The following APCDD1 variants were observed in gnomAD, a reference collection of about 807,000 sequenced individuals.
The protein encoded by APCDD1 is APC down-regulated 1.
Under a neutral mutation model 38.1 loss-of-function variants are expected in APCDD1, and 15 were observed. That is an observed-to-expected ratio of 0.39 (90% CI 0.26 to 0.61). APCDD1 has a LOEUF of 0.61. APCDD1 is among the 20% of genes least tolerant of loss of function. The pLI is 0.49. For synonymous variants in APCDD1, 261 were observed against 279.7 expected (o/e 0.93, Z 0.67); for missense variants, 647 against 696.2 (o/e 0.93, Z 0.79).
At chr18:10,481,167 A>T (rs1178920672) in intron 3 of APCDD1, among the ~76,000 whole-genome samples, 1 of 152,248 alleles carries the variant, frequency 6.6e-6, no homozygotes, top group Non-Finnish European at 1.5e-5. Context: ...AATTAAACAT[A>T]GAATTACCAA....
intron 1 of APCDD1, among the ~76,000 whole-genome samples, chr18:10,458,029 T>C (rs2030425410): frequency 6.6e-6 from 1 of 152,282 alleles, no homozygotes; most frequent in Non-Finnish European, 1.5e-5. Context: ...ATGTCCATTA[T>C]CACTGTTTTC....
chr18:10,455,044 G>C lies in APCDD1; in HGVS notation c.58+5G>C. 6.4e-7 allele frequency: 1 copy of C among 1,562,388 alleles called. No individual in the cohort carries two copies. Among genetic ancestry groups the C allele is most frequent in the South Asian group, 1.2e-5 (1 of 84,918 alleles). On this transcript the variant is annotated splice_donor_5th_base_variant and intron_variant, in intron 1 of 4. Transcript: ENST00000355285. ...TCCCGGCCCTCCTGCTTCACGGTGA[G>C]TTCCCGAGGGCCACTCGAGCGCTCC...
Position 10,470,944 on chromosome 18 carries a change from T to G in APCDD1, c.243-586T>G, listed in dbSNP as rs2030836746. On this transcript the variant is annotated intron_variant, in intron 2 of 4. Coordinates refer to ENST00000355285, the MANE Select transcript of APCDD1 (RefSeq NM_153000.5). This position sits in a 1 kb window ranked among gnomAD's most constrained non-coding sequence, Gnocchi z 4.1. Reference sequence around the variant, plus strand: ...TTAATTGCCCCCTTTACTTTTCTACTAGAGAGAAAATTAATTCTGAATGGA... The same window carrying G: ...TTAATTGCCCCCTTTACTTTTCTACGAGAGAGAAAATTAATTCTGAATGGA... Among the ~76,000 whole-genome samples the G allele has an allele frequency of 6.6e-6, 1 of 152,214 alleles. No homozygotes were observed. Among genetic ancestry groups the G allele is most frequent in the Non-Finnish European group, 1.5e-5 (1 of 68,042 alleles).
intron 1 of APCDD1, among the ~76,000 whole-genome samples, chr18:10,455,390 A>G (rs1029644331): frequency 5.3e-5 from 8 of 152,218 alleles, no homozygotes; most frequent in Non-Finnish European, 1.2e-4. Flanking sequence ...CCAACTGTAC[A>G]CTGCCATGAA....
In APCDD1 at chr18:10,487,682, C is replaced by A; in HGVS notation, c.1189C>A (p.Gln397Lys). Residue 397 changes from glutamine to lysine, a missense_variant, in exon 5 of 5, where the codon CAG (glutamine) becomes AAG (lysine). Transcript: ENST00000355285. Reference protein sequence around the residue: ...GNECGAEGSWQVGIQQDVTHT... With the variant: ...GNECGAEGSWKVGIQQDVTHT... ...TGAGTGCGGGGCCGAGGGCTCCTGG[C>A]AGGTGGGCATCCAGCAGGATGTGAC... is the stretch of plus-strand genomic sequence containing the variant. 4 of 1,614,184 alleles carry A rather than the reference C, an allele frequency of 2.5e-6. No homozygotes were observed. The highest frequency in any genetic ancestry group is 1.1e-5 in the South Asian group (1 of 91,088).
intron 3 of APCDD1, among the ~76,000 whole-genome samples, chr18:10,480,229 C>T (rs898730427): frequency 3.3e-5 from 5 of 152,238 alleles, no homozygotes; most frequent in Non-Finnish European, 5.9e-5. Flanking sequence ...AATAATTTTA[C>T]GGAGCAAATG....
chr18:10,485,847 AGG>A lies in APCDD1; in HGVS notation c.1096+65_1096+66del. 1.9e-5 allele frequency: 30 copies of A among 1,559,422 alleles called. No individual in the cohort carries two copies. Among genetic ancestry groups the A allele is most frequent in the Non-Finnish European group, 2.6e-5 (30 of 1,146,928 alleles). On this transcript the variant is annotated intron_variant, in intron 4 of 4. Coordinates refer to ENST00000355285, the MANE Select transcript of APCDD1 (RefSeq NM_153000.5). The surrounding 1 kb of genome is among the most constrained non-coding windows in gnomAD (Gnocchi z 5.8). ...AAACAGCCCTGTGACATTTTTGTGG[AGG>A]CAGAGCTGAGGGAAAGGACCTCTTT...
intron 3 of APCDD1, among the ~76,000 whole-genome samples, chr18:10,481,438 A>G (rs550789160): frequency 4.5e-4 from 68 of 152,316 alleles, no homozygotes; most frequent in African/African-American, 1.6e-3. Flanking sequence ...GCCAGATACA[A>G]AAAGACAAAT....
intron 1 of APCDD1, among the ~76,000 whole-genome samples, chr18:10,457,843 C>G (rs2143504546): frequency 6.6e-6 from 1 of 152,302 alleles, no homozygotes; most frequent in Non-Finnish European, 1.5e-5. Flanking sequence ...TCTGGCAAGA[C>G]TTGAGCCTGT....
rs1431985458 is a variant in APCDD1, at chr18:10,488,019, A to G, written c.1526A>G (p.His509Arg). The part of the protein sequence containing the change: ...AALACLVPLL[H>R]WNIRR ...CTTGCCTGCCTTGTCCCTCTGCTGC[A>G]TTGGAACATCCGCAGATAGAAGTTT... The change falls in exon 5 of 5, where the codon CAT (histidine) becomes CGT (arginine). Residue 509 changes from histidine to arginine, a missense_variant. Coordinates refer to ENST00000355285, the MANE Select transcript of APCDD1 (RefSeq NM_153000.5). 6.2e-7 allele frequency: 1 copy of G among 1,613,728 alleles called. No homozygotes were observed. Among genetic ancestry groups the G allele is most frequent in the African/African-American group, 1.3e-5 (1 of 74,944 alleles).
chr18:10,468,730 CAG>C (rs767277027), intron 2 of APCDD1, 78 bp downstream of exon 2: 17 of 1,432,662 alleles, frequency 1.2e-5, no homozygotes, highest in Non-Finnish European at 1.7e-5. Flanking sequence ...TTCTCAGATG[CAG>C]AGACTTTATA....
At chr18:10,464,713 G>GC (rs11432453) in intron 1 of APCDD1, among the ~76,000 whole-genome samples, 2,769 of 152,286 alleles carry the variant, frequency 0.018, 76 homozygotes, top group African/African-American at 0.064. Flanking sequence ...GAGCCACTGT[G>GC]CCCAGCCTCC....
At chr18:10,455,075 G>C in intron 1 of APCDD1, 36 bp downstream of exon 1, 1 of 1,549,356 alleles carries the variant, frequency 6.5e-7, no homozygotes, top group Non-Finnish European at 8.7e-7. Context: ...GCTCCCAGCC[G>C]GCGGAGGCAG....
At position 10,488,942 on chromosome 18, in the gene APCDD1, A is replaced by T. The variant is rs532795310; in HGVS notation, c.*904A>T. The T allele has an allele frequency of 5.0e-4, 76 of 152,298 alleles. No individual in the cohort carries two copies. The highest frequency in any genetic ancestry group is 1.8e-3 in the African/African-American group (73 of 41,552). 9.4% of individuals were successfully genotyped at this position (152,298 alleles called of 1,614,324 possible). ...CTCTTCCTGGGGGACCTGAGCCCTG[A>T]CTCACTGTCTTATTAGGGGCAGGCG... On this transcript the variant is annotated 3_prime_UTR_variant, in exon 5 of 5. Coordinates refer to ENST00000355285, the MANE Select transcript of APCDD1 (RefSeq NM_153000.5).
chr18:10,479,849 A>C (rs2031093508), intron 3 of APCDD1, among the ~76,000 whole-genome samples: 1 of 152,224 alleles, frequency 6.6e-6, no homozygotes, highest in African/African-American at 2.4e-5. Context: ...AGCAGGAATC[A>C]GAGAGCAGAG....
At chr18:10,482,235 C>G (rs1241800553) in intron 3 of APCDD1, among the ~76,000 whole-genome samples, 1 of 152,194 alleles carries the variant, frequency 6.6e-6, no homozygotes, top group Non-Finnish European at 1.5e-5. Context: ...TTGAGACTCT[C>G]ACCTCCTTAG....
chr18:10,482,149 C>T (rs1394884356), intron 3 of APCDD1, among the ~76,000 whole-genome samples: 1 of 152,132 alleles, frequency 6.6e-6, no homozygotes, highest in African/African-American at 2.4e-5. Flanking sequence ...TTTCTCTCTC[C>T]CACCCCCACC....
At chr18:10,484,024 G>A (rs553119767) in intron 3 of APCDD1, among the ~76,000 whole-genome samples, 3 of 152,340 alleles carry the variant, frequency 2.0e-5, no homozygotes, top group Non-Finnish European at 4.4e-5. Context: ...CATCTCTGAC[G>A]TGTGCACCTC....
At chr18:10,464,950 T>A (rs751745526) in intron 1 of APCDD1, among the ~76,000 whole-genome samples, 1 of 152,168 alleles carries the variant, frequency 6.6e-6, no homozygotes, top group Non-Finnish European at 1.5e-5. Context: ...GAGGGTGGTC[T>A]GAGAGCCGTA....
Sources: allele counts gnomAD v4.1 joint callset (sites outside exome capture counted in the v4.1 genomes callset), GRCh38; gene constraint gnomAD v4.1.1; non-coding constraint Gnocchi (gnomAD v3.1); transcripts MANE v1.5; gene names NCBI Gene and HGNC (gene_info 2026-07-23, HGNC 2026-07-21).